Variants in PNLIPRP3 observed in about 807,000 individuals in gnomAD.
The protein encoded by PNLIPRP3 is pancreatic lipase-related protein 3.
PNLIPRP3 carries 58 observed loss-of-function variants against 52.8 expected under a neutral mutation model. That is an observed-to-expected ratio of 1.10 (90% confidence interval 0.89 to 1.37). PNLIPRP3 has a LOEUF of 1.37. Ranked by LOEUF, PNLIPRP3 falls within the 40% of genes most tolerant of loss-of-function variation. The pLI, the probability that PNLIPRP3 is intolerant of heterozygous loss-of-function variation, is 0.00. For missense variants in PNLIPRP3, 593 were observed against 561.6 expected (o/e 1.06, Z -0.57); for synonymous variants, 192 against 185.0 (o/e 1.04, Z -0.31).
intron 1 of PNLIPRP3, among the ~76,000 whole-genome samples, chr10:116,433,273 A>G (rs1845733530): frequency 6.6e-6 from 1 of 152,104 alleles, no homozygotes; most frequent in African/African-American, 2.4e-5. Context: ...ACAAAAATAT[A>G]GACAACAAAT....
At chr10:116,429,428 G>C (rs1462171677) in intron 1 of PNLIPRP3, among the ~76,000 whole-genome samples, 1 of 152,182 alleles carries the variant, frequency 6.6e-6, no homozygotes, top group African/African-American at 2.4e-5. Flanking sequence ...GGACATATTA[G>C]TAGTGAGCAA....
intron 4 of PNLIPRP3, among the ~76,000 whole-genome samples, chr10:116,452,646 C>T (rs1179471358): frequency 6.6e-6 from 1 of 152,214 alleles, no homozygotes; most frequent in Non-Finnish European, 1.5e-5. Context: ...GCTCAGGCTC[C>T]ACCCTCAGCA....
At chr10:116,474,529 A>G (rs1188899761) in intron 10 of PNLIPRP3, among the ~76,000 whole-genome samples, 1 of 152,222 alleles carries the variant, frequency 6.6e-6, no homozygotes, top group Non-Finnish European at 1.5e-5. Context: ...AGAATGGGAG[A>G]AAACTTTGGC....
chr10:116,433,990 T>C (rs1002298334), intron 1 of PNLIPRP3, among the ~76,000 whole-genome samples: 1 of 152,214 alleles, frequency 6.6e-6, no homozygotes, highest in African/African-American at 2.4e-5. Context: ...GGTTCAATTA[T>C]TTTCCTGCCA....
rs1183433937 is a variant in PNLIPRP3 at position 116,469,250 on chromosome 10, C to T, written c.993C>T (p.His331=). 2 of 1,612,290 alleles carry T rather than the reference C, an allele frequency of 1.2e-6. No homozygotes were observed. Among genetic ancestry groups the T allele is most frequent in the South Asian group, 2.2e-5 (2 of 90,538 alleles). The change falls in exon 9 of 12, where the codon CAC becomes CAT. Residue 331 remains histidine (H), a synonymous_variant. Transcript: ENST00000369230. ...PTMGHFADRF[H]FKNMKTNGSH... ...TGGGTCATTTTGCTGATAGATTTCACTTCAAAAATATGAAGACTAATGGAT... is the reference window on the plus strand; with the variant it reads ...TGGGTCATTTTGCTGATAGATTTCATTTCAAAAATATGAAGACTAATGGAT...
At chr10:116,475,365 C>G (rs1214655120) in intron 10 of PNLIPRP3, among the ~76,000 whole-genome samples, 1 of 152,148 alleles carries the variant, frequency 6.6e-6, no homozygotes, top group Non-Finnish European at 1.5e-5. Context: ...ATGAAGTAAT[C>G]TGTACAACAG....
chr10:116,473,602 A>G (rs1846408966), intron 10 of PNLIPRP3, among the ~76,000 whole-genome samples: 2 of 152,010 alleles, frequency 1.3e-5, no homozygotes, highest in Non-Finnish European at 2.9e-5. Context: ...CCTCACTGCA[A>G]CTTCCCCTTC....
intron 8 of PNLIPRP3, among the ~76,000 whole-genome samples, chr10:116,467,266 C>A (rs1489306447): frequency 6.6e-6 from 1 of 152,174 alleles, no homozygotes; most frequent in African/African-American, 2.4e-5. Context: ...GTGGCATGCA[C>A]CTGTAGTCCC....
intron 3 of PNLIPRP3, among the ~76,000 whole-genome samples, chr10:116,443,668 C>T (rs940991145): frequency 8.0e-6 from 1 of 124,486 alleles, no homozygotes; most frequent in African/African-American, 2.9e-5. Context: ...ATATATAACA[C>T]ATATATATAA....
chr10:116,429,847 T>C (rs1485932496), intron 1 of PNLIPRP3, among the ~76,000 whole-genome samples: 1 of 152,138 alleles, frequency 6.6e-6, no homozygotes, highest in African/African-American at 2.4e-5. Context: ...CCTAGGACAC[T>C]TCCTCATTAA....
At chr10:116,462,414 T>C (rs1466245682) in intron 7 of PNLIPRP3, among the ~76,000 whole-genome samples, 1 of 151,830 alleles carries the variant, frequency 6.6e-6, no homozygotes, top group East Asian at 1.9e-4. Flanking sequence ...ATCAAGGAGT[T>C]GAAATTACTT....
chr10:116,443,612 T>C (rs1845888092), intron 3 of PNLIPRP3, among the ~76,000 whole-genome samples: 1 of 16,246 alleles, frequency 6.2e-5, no homozygotes, highest in Admixed American at 1.4e-3. Flanking sequence ...TTTATATATA[T>C]GTGTTTTATA....
chr10:116,476,668 G>A lies in PNLIPRP3; in HGVS notation c.1189G>A (p.Gly397Ser). 6.3e-7 allele frequency: 1 copy of A among 1,578,762 alleles called. No homozygotes were observed. Among genetic ancestry groups the A allele is most frequent in the South Asian group, 1.2e-5 (1 of 84,436 alleles). The change falls in exon 11 of 12, where the codon GGC becomes AGC. Residue 397 changes from glycine to serine, a missense_variant. Transcript: ENST00000369230. The stretch of plus-strand genomic sequence containing the variant: ...TGTTTACAGTGGAAAACTTGAGCCA[G>A]GCATGACTTACACAAAATTAATCGA... ...FAIVSGKLEP[G>S]MTYTKLIDAD...
intron 7 of PNLIPRP3, among the ~76,000 whole-genome samples, chr10:116,463,479 T>G (rs146364024): frequency 1.3e-5 from 2 of 152,170 alleles, no homozygotes; most frequent in Admixed American, 1.3e-4. Context: ...CAACTGGGTT[T>G]CAGGACAGTA....
chr10:116,441,425 G>T (rs1403617462), intron 2 of PNLIPRP3, among the ~76,000 whole-genome samples: 1 of 152,122 alleles, frequency 6.6e-6, no homozygotes, highest in Non-Finnish European at 1.5e-5. Flanking sequence ...CCTCCAAAAG[G>T]TTTTTCAGAT....
At chr10:116,442,527 AT>A (rs1564694893) in intron 2 of PNLIPRP3, among the ~76,000 whole-genome samples, 1 of 152,104 alleles carries the variant, frequency 6.6e-6, no homozygotes. Flanking sequence ...AAAATCAAAG[AT>A]TTTTTCCTCG....
intron 5 of PNLIPRP3, among the ~76,000 whole-genome samples, chr10:116,459,662 C>T (rs1201166220): frequency 2.0e-5 from 3 of 152,190 alleles, no homozygotes; most frequent in Non-Finnish European, 4.4e-5. Flanking sequence ...AAACACGATG[C>T]TTTCATCTGG....
intron 3 of PNLIPRP3, among the ~76,000 whole-genome samples, chr10:116,443,793 GTGTGTGTGCATATATATATA>G (rs1264253137): frequency 3.8e-4 from 4 of 10,570 alleles, no homozygotes; most frequent in Non-Finnish European, 2.7e-3. Context: ...GTGTATGTAT[GTGTGTGTGCATATATATATA>G]TATATATATA....
chr10:116,460,912 C>G, intron 5 of PNLIPRP3, 54 bp from the exon 6 acceptor site: 1 of 1,582,188 alleles, frequency 6.3e-7, no homozygotes, highest in South Asian at 1.1e-5. Flanking sequence ...TCCAAAGTAA[C>G]AACAATATTA....
Sources: gnomAD v4.1 joint callset for allele counts (sites outside exome capture counted in the v4.1 genomes callset) on GRCh38, gnomAD v4.1.1 for gene constraint, MANE v1.5 for transcripts, NCBI Gene and HGNC (gene_info 2026-07-23, HGNC 2026-07-21) for gene names.